Variants in GRM1 observed in about 807,000 individuals in gnomAD.
The protein encoded by GRM1 is metabotropic glutamate receptor 1.
GRM1 carries 33 observed loss-of-function variants against 90.9 expected under a neutral mutation model. The observed-to-expected ratio is 0.36, with a 90% CI of 0.28 to 0.49. The LOEUF is 0.49. Ranked by LOEUF, GRM1 falls within the 20% of genes least tolerant of loss-of-function variation. The pLI is 0.99. For missense variants in GRM1, 1,190 were observed against 1,534.3 expected (o/e 0.78, Z 3.75); for synonymous variants, 700 against 613.2 (o/e 1.14, Z -2.09).
At chr6:146,324,409 T>G (rs1044609381) in intron 3 of GRM1, among the ~76,000 whole-genome samples, 14 of 151,776 alleles carry the variant, frequency 9.2e-5, no homozygotes, top group African/African-American at 3.4e-4. Context: ...AACAGTTCTC[T>G]CTCACTGACA....
intron 7 of GRM1, among the ~76,000 whole-genome samples, chr6:146,417,812 G>A (rs1377987487): frequency 1.3e-5 from 2 of 151,712 alleles, no homozygotes; most frequent in Non-Finnish European, 2.9e-5. Flanking sequence ...TTAACTTTTG[G>A]CAAGTTGTTT....
At chr6:146,175,280 C>T (rs1213271718) in intron 2 of GRM1, among the ~76,000 whole-genome samples, 1 of 150,778 alleles carries the variant, frequency 6.6e-6, no homozygotes, top group Non-Finnish European at 1.5e-5. Context: ...GCTTTTAAAG[C>T]TATTATTCTA....
At chr6:146,092,880 C>A (rs1481643247) in intron 1 of GRM1, among the ~76,000 whole-genome samples, 1 of 152,104 alleles carries the variant, frequency 6.6e-6, no homozygotes, top group African/African-American at 2.4e-5. Context: ...TTGTTTTTCT[C>A]TGTCCAAGAG....
chr6:146,352,356 C>G lies in GRM1; in HGVS notation c.1293C>G (p.Leu431=). The change falls in exon 4 of 8, where the codon CTC becomes CTG. Residue 431 remains leucine, a synonymous_variant. Coordinates refer to ENST00000282753, the MANE Select transcript of GRM1 (RefSeq NM_001278064.2). ...AHGLQNMHHA[L]CPGHVGLCDA... ...GGCTGCAGAACATGCACCATGCCCT[C>G]TGCCCTGGCCACGTGGGCCTCTGCG... 6.2e-7 allele frequency: 1 copy of G among 1,614,196 alleles called. No homozygotes were observed. The highest frequency in any genetic ancestry group is 8.5e-7 in the Non-Finnish European group (1 of 1,180,002).
At chr6:146,163,028 G>A (rs1168125892) in intron 2 of GRM1, among the ~76,000 whole-genome samples, 2 of 151,968 alleles carry the variant, frequency 1.3e-5, no homozygotes, top group South Asian at 2.1e-4. Context: ...AGATCAGTAG[G>A]GATGTATTTA....
chr6:146,106,788 A>G (rs1005801765), intron 1 of GRM1, among the ~76,000 whole-genome samples: 1 of 152,190 alleles, frequency 6.6e-6, no homozygotes, highest in African/African-American at 2.4e-5. Context: ...TTCCTTATGT[A>G]TAAGAACTAA....
At chr6:146,162,243 T>C (rs949880116) in intron 2 of GRM1, among the ~76,000 whole-genome samples, 1 of 152,148 alleles carries the variant, frequency 6.6e-6, no homozygotes, top group Non-Finnish European at 1.5e-5. Context: ...AAGGGCATTG[T>C]GTAGGTGGTC....
intron 1 of GRM1, among the ~76,000 whole-genome samples, chr6:146,144,056 G>A (rs558813200): frequency 4.1e-4 from 63 of 152,304 alleles, no homozygotes; most frequent in African/African-American, 1.3e-3. Flanking sequence ...TTAAACCATA[G>A]AAATTTATTT....
In GRM1 at chr6:146,434,658, G is replaced by A. The variant is rs749505813; in HGVS notation, c.3447G>A (p.Ser1149=). ...ATTCGCCTGCGCTGACGCCTCCGTC[G>A]CCTTTCCGCGACTCGGTGGCCTCGG... ...PDDSPALTPP[S]PFRDSVASGS... is the part of the protein sequence containing the mutation. The change falls in exon 8 of 8, where the codon TCG becomes TCA. Residue 1149 remains serine, a synonymous_variant. Coordinates refer to ENST00000282753, the MANE Select transcript of GRM1 (RefSeq NM_001278064.2). 2 of 1,608,780 alleles carry A rather than the reference G, an allele frequency of 1.2e-6. No individual in the cohort carries two copies. Among genetic ancestry groups the A allele is most frequent in the East Asian group, 2.2e-5 (1 of 44,878 alleles).
rs769954391 is a variant in GRM1 at position 146,434,581 on chromosome 6, C to A, written c.3370C>A (p.Leu1124Met). The A allele has an allele frequency of 1.2e-6, 2 of 1,613,994 alleles. No homozygotes were observed. The highest frequency in any genetic ancestry group is 1.7e-6 in the Non-Finnish European group (2 of 1,180,004). Reference sequence around the variant, plus strand: ...GGAAGGGAACACGGAAGAAGACGAACTGGAAGAGGAGGAGGAGGACCTGCA... The same window carrying A: ...GGAAGGGAACACGGAAGAAGACGAAATGGAAGAGGAGGAGGAGGACCTGCA... ...EREGNTEEDE[L>M]EEEEEDLQAA... Residue 1124 changes from leucine to methionine, a missense_variant, in exon 8 of 8, where the codon CTG becomes ATG. Around this residue, in one of 10 missense-constraint regions of GRM1, gnomAD observed 400 missense variants for 360.8 expected, o/e 1.11. Transcript: ENST00000282753.
rs375732262 is a variant in GRM1 at position 146,336,533 on chromosome 6, C to T, written c.1187-15717C>T. Among the ~76,000 whole-genome samples the T allele has an allele frequency of 5.3e-5, 8 of 152,276 alleles. No homozygotes were observed. In the South Asian group the frequency reaches 1.4e-3, roughly 28 times the overall value. ...TTCCTGATGAGGCATTTCCTGTTCG[C>T]CTGAGAGCAATTCCTCACAGAAGAT... On this transcript the variant is annotated intron_variant, in intron 3 of 7. Coordinates refer to ENST00000282753, the MANE Select transcript of GRM1 (RefSeq NM_001278064.2).
chr6:146,129,836 T>C (rs1409187881), intron 1 of GRM1, among the ~76,000 whole-genome samples: 7 of 152,210 alleles, frequency 4.6e-5, no homozygotes, highest in Non-Finnish European at 1.0e-4. Flanking sequence ...GGAATTCAAG[T>C]TATCATCTCA....
At chr6:146,312,936 T>A (rs1783827639) in intron 3 of GRM1, among the ~76,000 whole-genome samples, 1 of 152,328 alleles carries the variant, frequency 6.6e-6, no homozygotes, top group South Asian at 2.1e-4. Flanking sequence ...AGTTCTTTAA[T>A]CCATGTCATT....
chr6:146,375,454 T>A (rs1776059617), intron 5 of GRM1, among the ~76,000 whole-genome samples: 1 of 152,034 alleles, frequency 6.6e-6, no homozygotes, highest in Non-Finnish European at 1.5e-5. Flanking sequence ...CTTTGTTGAT[T>A]TTCTGACTGA....
chr6:146,433,312 C>T (rs1041708898), intron 7 of GRM1, among the ~76,000 whole-genome samples: 1 of 151,994 alleles, frequency 6.6e-6, no homozygotes, highest in Non-Finnish European at 1.5e-5. Context: ...TTATAGGTAC[C>T]CTGTGTGATC....
chr6:146,262,150 T>C (rs1224160226), intron 2 of GRM1, among the ~76,000 whole-genome samples: 3 of 151,534 alleles, frequency 2.0e-5, no homozygotes, highest in African/African-American at 7.3e-5. Flanking sequence ...GTTTTTATGA[T>C]AGAAGAAAAT....
chr6:146,046,379 T>C (rs1791332744), intron 1 of GRM1, among the ~76,000 whole-genome samples: 1 of 151,980 alleles, frequency 6.6e-6, no homozygotes, highest in Non-Finnish European at 1.5e-5. Context: ...AAAAGAAAGC[T>C]TAGATGTGGG....
chr6:146,193,690 C>T (rs1375546164), intron 2 of GRM1, among the ~76,000 whole-genome samples: 5 of 152,010 alleles, frequency 3.3e-5, no homozygotes, highest in Admixed American at 3.3e-4. Context: ...TTTGTTCTTA[C>T]CTTTTTTTTT....
At chr6:146,076,548 G>A (rs987269773) in intron 1 of GRM1, among the ~76,000 whole-genome samples, 1 of 152,130 alleles carries the variant, frequency 6.6e-6, no homozygotes, top group Non-Finnish European at 1.5e-5. Context: ...GTGTGAGAAG[G>A]GAGTCAAGGG....
Sources: allele counts gnomAD v4.1 joint callset (sites outside exome capture counted in the v4.1 genomes callset), GRCh38; gene constraint gnomAD v4.1.1; regional missense constraint gnomAD v4.1.1; transcripts MANE v1.5; gene names NCBI Gene and HGNC (gene_info 2026-07-23, HGNC 2026-07-21).